UBE2A: variants seen among roughly 807,000 people sequenced by gnomAD.
UBE2A encodes ubiquitin conjugating enzyme E2 A.
For missense variants in UBE2A, 27 were observed against 125.8 expected, an observed-to-expected ratio of 0.21 and a Z score of 3.76; for synonymous variants, 39 against 41.1, an observed-to-expected ratio of 0.95 and a Z score of 0.20.
Position 119,574,747 on chromosome X carries a change from C to T in UBE2A, c.36C>T (p.Asp12=). ...STPARRRLMR[D]FKRLQEDPPA... Reference sequence around the variant, plus strand: ...CGGCTCGGCGGCGCCTCATGCGGGACTTCAAGAGGTAAACCGAGGGGACGG... The same window carrying T: ...CGGCTCGGCGGCGCCTCATGCGGGATTTCAAGAGGTAAACCGAGGGGACGG... The change falls in exon 1 of 6, where the codon GAC becomes GAT. Residue 12 remains aspartate, a synonymous_variant. Coordinates refer to ENST00000371558, the MANE Select transcript of UBE2A (RefSeq NM_003336.4). The T allele has an allele frequency of 2.5e-6, 3 of 1,196,115 alleles. No homozygotes were observed. Among genetic ancestry groups the T allele is most frequent in the Non-Finnish European group, 3.4e-6 (3 of 888,304 alleles).
intron 3 of UBE2A, chrX:119,580,236 A>G (rs2053441673): frequency 8.9e-6 from 1 of 112,196 alleles, no homozygotes; most frequent in Admixed American, 9.5e-5. Context: ...ACACTTGTTC[A>G]TAGTAAGGGC....
chrX:119,579,943 C>A lies in UBE2A; in HGVS notation c.152-1564C>A, dbSNP rs754611420. Among the ~76,000 whole-genome samples the A allele has an allele frequency of 5.4e-5, 6 of 111,671 alleles. No homozygotes were observed. In the South Asian group the frequency reaches 2.2e-3, roughly 42 times the overall value. On this transcript the variant is annotated intron_variant, in intron 3 of 5. Transcript: ENST00000371558. ...TCTAACACATTCCCACTTTTTCTTGCATATTATAGTGTCAATAAATACTGA... is the reference window on the plus strand; with the variant it reads ...TCTAACACATTCCCACTTTTTCTTGAATATTATAGTGTCAATAAATACTGA...
At position 119,574,843 on chromosome X, in the gene UBE2A, G is replaced by C; in HGVS notation, c.45-58G>C. 3 of 1,202,404 alleles carry C rather than the reference G, an allele frequency of 2.5e-6. No homozygotes were observed. In the Admixed American group the frequency reaches 6.5e-5, roughly 26 times the overall value. ...CGCGCCGGGCGGGGAGGGCTGGGGA[G>C]CGGCCGGGAGCGGGCGCCAGTGCCG... On this transcript the variant is annotated intron_variant, in intron 1 of 5. Transcript: ENST00000371558.
chrX:119,581,024 A>G (rs1369592512), intron 3 of UBE2A: 1 of 113,623 alleles, frequency 8.8e-6, no homozygotes, highest in Non-Finnish European at 1.8e-5. Context: ...GAACACTTTT[A>G]TACTTATTCC....
intron 3 of UBE2A, among the ~76,000 whole-genome samples, chrX:119,578,717 A>AC (rs2053433309): frequency 9.0e-6 from 1 of 111,101 alleles, no homozygotes; most frequent in Non-Finnish European, 1.9e-5. Flanking sequence ...CAGAACATAT[A>AC]CCCCCTCTAG....
At chrX:119,575,803 G>C in intron 3 of UBE2A, 1 of 175,141 alleles carries the variant, frequency 5.7e-6, no homozygotes, top group East Asian at 1.4e-4. Context: ...AAGGGCAGGA[G>C]TTGTGTTCAG....
chrX:119,582,033 T>C (rs1345023185), intron 4 of UBE2A, among the ~76,000 whole-genome samples: 1 of 112,569 alleles, frequency 8.9e-6, no homozygotes, highest in Non-Finnish European at 1.9e-5. Flanking sequence ...GATTCTGTTG[T>C]TGAAGGCCAG....
Position 119,581,501 on chromosome X carries a change from C to T in UBE2A, c.152-6C>T, listed in dbSNP as rs2053450474. ...ATTTTCTTAAATCTTTCTTTTCTAA[C>T]CACAGGAACATTTAAACTTACAATA... On this transcript the variant is annotated splice_polypyrimidine_tract_variant and splice_region_variant and intron_variant, in intron 3 of 5. Transcript: ENST00000371558. 7 of 1,168,758 alleles carry T rather than the reference C, an allele frequency of 6.0e-6. No homozygotes were observed. The highest frequency in any genetic ancestry group is 2.4e-4 in the Middle Eastern group (1 of 4,153).
chrX:119,583,466 T>C lies in UBE2A; in HGVS notation c.*211T>C. 1 of 435,141 alleles carries C rather than the reference T, an allele frequency of 2.3e-6. No homozygotes were observed. The highest frequency in any genetic ancestry group is 3.8e-6 in the Non-Finnish European group (1 of 266,158). The allele number at this position is 435,141 out of a possible 1,213,427, so 35.9% of individuals were successfully genotyped here. ...TGAAATCAAATGTACTGTACCTGGG[T>C]TACTTGCAAAAATTACTAATGCTTC... On this transcript the variant is annotated 3_prime_UTR_variant, in exon 6 of 6. Coordinates refer to ENST00000371558, the MANE Select transcript of UBE2A (RefSeq NM_003336.4).
rs775483813 is a variant in UBE2A at position 119,574,862 on chromosome X, A to G, written c.45-39A>G. ...TGGGGAGCGGCCGGGAGCGGGCGCC[A>G]GTGCCGGCCTAGGGGGACCCCTGTC... On this transcript the variant is annotated intron_variant, in intron 1 of 5. Transcript: ENST00000371558. 4 of 1,206,930 alleles carry G rather than the reference A, an allele frequency of 3.3e-6. No individual in the cohort carries two copies. In the Admixed American group the frequency reaches 8.7e-5, roughly 26 times the overall value.
chrX:119,582,533 T>C (rs1304325388), intron 4 of UBE2A, 55 bp from the exon 5 acceptor site: 54 of 950,513 alleles, frequency 5.7e-5, no homozygotes, highest in Non-Finnish European at 7.3e-5. Context: ...TTGTCTATAA[T>C]GTTAAAACCT....
chrX:119,575,260 C>T, intron 2 of UBE2A, 115 bp from the exon 3 acceptor site: 1 of 1,079,415 alleles, frequency 9.3e-7, no homozygotes, highest in East Asian at 3.0e-5. Flanking sequence ...TTTGTAGTGG[C>T]TTCCGACCCC....
chrX:119,575,518 T>C, intron 3 of UBE2A, 118 bp downstream of exon 3: 1 of 968,949 alleles, frequency 1.0e-6, no homozygotes, highest in Non-Finnish European at 1.5e-6. Context: ...CTCTGTCTGC[T>C]AAAGGCTTGA....
chrX:119,575,673 T>G (rs1363318475), intron 3 of UBE2A: 2 of 344,284 alleles, frequency 5.8e-6, no homozygotes, highest in African/African-American at 5.2e-5. Context: ...TTAAGGATTT[T>G]TGAGGCTTGG....
intron 3 of UBE2A, 147 bp downstream of exon 3, chrX:119,575,547 C>G (rs766121482): frequency 1.4e-6 from 1 of 712,800 alleles, no homozygotes; most frequent in Admixed American, 2.6e-5. Context: ...CAGTGTGTGG[C>G]TGGTGGTTCT....
intron 1 of UBE2A, 73 bp downstream of exon 1, chrX:119,574,828 G>T: frequency 8.3e-7 from 1 of 1,198,931 alleles, no homozygotes; most frequent in Non-Finnish European, 1.1e-6. Flanking sequence ...CGCGCCGGGC[G>T]GGGAGGGCTG....
In UBE2A at chrX:119,583,278, C is replaced by T; in HGVS notation, c.*23C>T. 1 of 1,210,936 alleles carries T rather than the reference C, an allele frequency of 8.3e-7. No individual in the cohort carries two copies. The highest frequency in any genetic ancestry group is 1.8e-5 in the South Asian group (1 of 56,939). Reference sequence around the variant, plus strand: ...TGACCCCGGGTACAGTTTAAAGAAGCTGGCCATAAGAAAAATATATATTGA... The same window carrying T: ...TGACCCCGGGTACAGTTTAAAGAAGTTGGCCATAAGAAAAATATATATTGA... On this transcript the variant is annotated 3_prime_UTR_variant, in exon 6 of 6. Transcript: ENST00000371558.
intron 3 of UBE2A, chrX:119,580,675 C>T (rs760989264): frequency 8.9e-6 from 1 of 112,296 alleles, no homozygotes; most frequent in South Asian, 3.6e-4. Context: ...CCAGTTTGTC[C>T]ATGCCTTGTA....
intron 3 of UBE2A, among the ~76,000 whole-genome samples, chrX:119,579,654 G>C (rs2049720019): frequency 8.9e-6 from 1 of 111,849 alleles, no homozygotes; most frequent in Admixed American, 9.5e-5. Flanking sequence ...CAAGGACTTG[G>C]GCCCAGACCT....
Sources: gnomAD v4.1 joint callset for allele counts (sites outside exome capture counted in the v4.1 genomes callset) on GRCh38, gnomAD v4.1.1 for gene constraint, MANE v1.5 for transcripts, NCBI Gene and HGNC (gene_info 2026-07-23, HGNC 2026-07-21) for gene names.